PFKFB3: variants seen among roughly 807,000 people sequenced by gnomAD.
PFKFB3 encodes 6-phosphofructo-2-kinase/fructose-2,6-biphosphatase 3.
PFKFB3 carries 33 observed loss-of-function variants against 68.0 expected under a neutral mutation model. That is an observed-to-expected ratio of 0.49 (90% CI 0.37 to 0.65). The LOEUF is 0.65. PFKFB3 is among the 30% of genes least tolerant of loss of function. The pLI, the probability that PFKFB3 is intolerant of heterozygous loss-of-function variation, is 0.00. For missense variants in PFKFB3, 586 were observed against 712.2 expected (o/e 0.82, Z 2.02); for synonymous variants, 315 against 288.2 (o/e 1.09, Z -0.94).
rs780959057 is a variant in PFKFB3 at position 6,224,186 on chromosome 10, C to A, written c.1314C>A (p.Ser438=). The change falls in exon 13 of 15, where the codon TCC becomes TCA. Residue 438 remains serine (S), a synonymous_variant. Transcript: ENST00000379775. ...AATCCATCTACCTGAACGTGGAGTC[C>A]GTCTGCACACACCGGGAGAGGTCAG... is the stretch of plus-strand genomic sequence containing the variant. ...RVESIYLNVE[S]VCTHRERSED... The A allele has an allele frequency of 8.1e-6, 13 of 1,614,144 alleles. No individual in the cohort carries two copies. The highest frequency in any genetic ancestry group is 1.1e-5 in the South Asian group (1 of 91,082).
chr10:6,263,078 C>T, the PFKFB3 span, among the ~76,000 whole-genome samples: 3 of 152,198 alleles, frequency 2.0e-5, no homozygotes, highest in Non-Finnish European at 4.4e-5. Context: ...TTAGGGGTCT[C>T]ATAGCCTTCA....
intron 1 of PFKFB3, among the ~76,000 whole-genome samples, chr10:6,208,773 T>G (rs1843967859): frequency 1.3e-5 from 2 of 152,066 alleles, no homozygotes; most frequent in South Asian, 4.1e-4. Context: ...AACCCGGGGG[T>G]GCCAGCCTCT....
chr10:6,171,470 A>G (rs971764393), intron 1 of PFKFB3, among the ~76,000 whole-genome samples: 3 of 148,442 alleles, frequency 2.0e-5, no homozygotes, highest in African/African-American at 7.5e-5. Flanking sequence ...ATCTTGGCTC[A>G]CTGCAGTCTC....
chr10:6,307,333 ACACACACACAC>A, the PFKFB3 span, among the ~76,000 whole-genome samples: 160 of 117,496 alleles, frequency 1.4e-3, no homozygotes, highest in African/African-American at 5.4e-3. Context: ...TGCGTACTAC[ACACACACACAC>A]ACACACACAC....
chr10:6,150,926 G>C (rs901714896), intron 1 of PFKFB3, among the ~76,000 whole-genome samples: 8 of 152,298 alleles, frequency 5.3e-5, no homozygotes, highest in South Asian at 4.1e-4. Flanking sequence ...TTGAACCTGG[G>C]GGGGCGGAGA....
At chr10:6,198,982 A>G (rs1364629907), upstream of PFKFB3, among the ~76,000 whole-genome samples, 1 of 152,238 alleles carries the variant, frequency 6.6e-6, no homozygotes, top group African/African-American at 2.4e-5. Flanking sequence ...CCAACATGAC[A>G]TTGTGTGGAT....
intron 13 of PFKFB3, chr10:6,224,462 T>C: frequency 1.6e-6 from 1 of 620,526 alleles, no homozygotes. Context: ...GATATGAATA[T>C]TAGTGAGGAA....
intron 1 of PFKFB3, among the ~76,000 whole-genome samples, chr10:6,170,125 T>C (rs75761394): frequency 0.011 from 1,650 of 152,264 alleles, 69 homozygotes; most frequent in East Asian, 0.1. Flanking sequence ...ATGAAGACGA[T>C]GGTTTTCCTT....
intron 1 of PFKFB3, among the ~76,000 whole-genome samples, chr10:6,176,561 C>T (rs1377094662): frequency 6.6e-6 from 1 of 152,170 alleles, no homozygotes; most frequent in African/African-American, 2.4e-5. Context: ...TGTGCGCCAT[C>T]ATGCCTGGCT....
At chr10:6,292,963 A>G in the PFKFB3 span, 159 of 199,186 alleles carry the variant, frequency 8.0e-4, no homozygotes, top group African/African-American at 3.6e-3. Context: ...ATTCCCAGCC[A>G]TAATGTGAGA....
At chr10:6,314,422 T>C in the PFKFB3 span, among the ~76,000 whole-genome samples, 1 of 152,242 alleles carries the variant, frequency 6.6e-6, no homozygotes, top group Non-Finnish European at 1.5e-5. Context: ...TCTGTGTCTG[T>C]GCATATGTGT....
chr10:6,293,882 G>T, the PFKFB3 span: 2 of 421,028 alleles, frequency 4.8e-6, no homozygotes, highest in Admixed American at 5.6e-5. Flanking sequence ...TCCTTGACTT[G>T]CTGAACACAT....
the PFKFB3 span, among the ~76,000 whole-genome samples, chr10:6,300,537 T>C: frequency 6.6e-6 from 1 of 152,186 alleles, no homozygotes; most frequent in African/African-American, 2.4e-5. Flanking sequence ...AGCCAGCTTT[T>C]CCAGAAAGCA....
At chr10:6,226,482 C>A in intron 14 of PFKFB3, 117 bp downstream of exon 14, 1 of 939,388 alleles carries the variant, frequency 1.1e-6, no homozygotes, top group Non-Finnish European at 1.6e-6. Flanking sequence ...CGTGTGGGTG[C>A]GCGTGCGTAT....
chr10:6,216,588 T>G (rs948634872), intron 4 of PFKFB3, 118 bp from the exon 5 acceptor site: 3 of 759,720 alleles, frequency 3.9e-6, no homozygotes, highest in Middle Eastern at 2.5e-4. Flanking sequence ...CAAGCTCCCC[T>G]GAAGCACTTT....
chr10:6,209,300 G>A (rs570689808), intron 1 of PFKFB3, among the ~76,000 whole-genome samples: 1 of 152,232 alleles, frequency 6.6e-6, no homozygotes, highest in South Asian at 2.1e-4. Context: ...GGTGACATCT[G>A]TGTTCCCCCA....
intron 1 of PFKFB3, among the ~76,000 whole-genome samples, chr10:6,158,645 C>T (rs547255687): frequency 6.6e-6 from 1 of 152,234 alleles, no homozygotes; most frequent in East Asian, 1.9e-4. Context: ...GCAGGCGGAT[C>T]ACCTGAGGTC....
At chr10:6,285,433 A>T in the PFKFB3 span, among the ~76,000 whole-genome samples, 1 of 152,002 alleles carries the variant, frequency 6.6e-6, no homozygotes, top group Non-Finnish European at 1.5e-5. Context: ...GGGTTTTACC[A>T]TGTTGGTCAG....
Position 6,217,181 on chromosome 10 carries a change from C to G in PFKFB3, c.488C>G (p.Ser163Cys). 1 of 1,614,092 alleles carries G rather than the reference C, an allele frequency of 6.2e-7. No homozygotes were observed. Among genetic ancestry groups the G allele is most frequent in the South Asian group, 1.1e-5 (1 of 91,090 alleles). ...SVCDDPTVVA[S>C]NIMEVKISSP... is the part of the protein sequence containing the mutation. ...TGCGACGACCCTACAGTTGTGGCCTCCAATATCATGGTAAGACAGCCGGGA... is the reference window on the plus strand; with the variant it reads ...TGCGACGACCCTACAGTTGTGGCCTGCAATATCATGGTAAGACAGCCGGGA... The change falls in exon 6 of 15, where the codon TCC (serine) becomes TGC (cysteine). Residue 163 changes from serine (S) to cysteine (C), a missense_variant. Ser to Cys is a moderately radical substitution (Grantham distance 112). Coordinates refer to ENST00000379775, the MANE Select transcript of PFKFB3 (RefSeq NM_004566.4).
Sources: gnomAD v4.1 joint callset for allele counts (sites outside exome capture counted in the v4.1 genomes callset) on GRCh38, gnomAD v4.1.1 for gene constraint, MANE v1.5 for transcripts, NCBI Gene and HGNC (gene_info 2026-07-23, HGNC 2026-07-21) for gene names.